CACNB2: variants seen among roughly 807,000 people sequenced by gnomAD.
The protein encoded by CACNB2 is calcium voltage-gated channel auxiliary subunit beta 2.
CACNB2 carries 42 observed loss-of-function variants against 73.3 expected under a neutral mutation model. That is an observed-to-expected ratio of 0.57 (90% CI 0.45 to 0.74). The LOEUF (loss-of-function observed/expected upper bound fraction) is 0.74, where lower values mean the gene tolerates loss of function less well. CACNB2 is among the 30% of genes least tolerant of loss of function. The pLI is 0.00. For missense variants in CACNB2, 940 were observed against 853.0 expected (o/e 1.10, Z -1.27); for synonymous variants, 348 against 310.3 (o/e 1.12, Z -1.28).
At chr10:18,491,341 TG>T (rs1245824332) in intron 3 of CACNB2, among the ~76,000 whole-genome samples, 1 of 152,184 alleles carries the variant, frequency 6.6e-6, no homozygotes, top group Admixed American at 6.5e-5. Flanking sequence ...CTCAGCCCTT[TG>T]GGAGGCCAAG....
intron 2 of CACNB2, among the ~76,000 whole-genome samples, chr10:18,271,722 T>G (rs1047233102): frequency 1.3e-5 from 2 of 152,220 alleles, no homozygotes; most frequent in African/African-American, 4.8e-5. Flanking sequence ...ACCTTTCTGC[T>G]GAATAGATCT....
intron 6 of CACNB2, among the ~76,000 whole-genome samples, chr10:18,511,195 C>T (rs970108149): frequency 2.6e-5 from 4 of 152,120 alleles, no homozygotes; most frequent in Non-Finnish European, 2.9e-5. Flanking sequence ...ATTAGGTCTA[C>T]GTAATTAGGA....
At chr10:18,287,028 C>G (rs527786960) in intron 2 of CACNB2, among the ~76,000 whole-genome samples, 4 of 152,212 alleles carry the variant, frequency 2.6e-5, no homozygotes, top group African/African-American at 4.8e-5. Flanking sequence ...TATAGGCATA[C>G]TTTAAAAATC....
chr10:18,147,997 C>G (rs2031159460), intron 1 of CACNB2, among the ~76,000 whole-genome samples: 1 of 151,878 alleles, frequency 6.6e-6, no homozygotes. Context: ...GGACTATTAG[C>G]TTTCCAAAGA....
At chr10:18,213,893 T>G (rs1311698199) in intron 2 of CACNB2, among the ~76,000 whole-genome samples, 1 of 152,196 alleles carries the variant, frequency 6.6e-6, no homozygotes, top group African/African-American at 2.4e-5. Flanking sequence ...CTACTAAGTT[T>G]TAGATGGTAT....
In CACNB2 at chr10:18,387,020, C is replaced by T. The variant is rs766674701; in HGVS notation, c.214-14904C>T. 3.9e-5 allele frequency among the ~76,000 whole-genome samples: 6 copies of T among 152,180 alleles called. No homozygotes were observed. The East Asian group carries it at 7.7e-4, about 20-fold the overall frequency. ...AATTAAACGCTCCAGCGTATAATCA[C>T]GGTGTATAATACTTCTGGTATAAAC... On this transcript the variant is annotated intron_variant, in intron 2 of 13. Coordinates refer to ENST00000324631, the MANE Select transcript of CACNB2 (RefSeq NM_201596.3).
At chr10:18,325,500 C>A (rs1220084140) in intron 2 of CACNB2, among the ~76,000 whole-genome samples, 1 of 151,684 alleles carries the variant, frequency 6.6e-6, no homozygotes, top group Non-Finnish European at 1.5e-5. Context: ...CCAGATGAAA[C>A]CTAGTCTGTC....
At chr10:18,468,575 G>A (rs1432094944) in intron 3 of CACNB2, among the ~76,000 whole-genome samples, 1 of 152,136 alleles carries the variant, frequency 6.6e-6, no homozygotes, top group African/African-American at 2.4e-5. Context: ...CAAAACTGCA[G>A]ACTGAGCGTC....
rs184419461 is a variant in CACNB2 at position 18,458,399 on chromosome 10, G to A, written c.334-39956G>A. On this transcript the variant is annotated intron_variant, in intron 3 of 13. Transcript: ENST00000324631. ...TTCCTACTTGCATTGATTCTAAAAG[G>A]TTGTATAAACTGTATGAGGATGGGA... is the stretch of plus-strand genomic sequence containing the variant. Among the ~76,000 whole-genome samples the A allele has an allele frequency of 8.3e-4, 126 of 152,250 alleles. 1 individual carries two copies. The highest frequency in any genetic ancestry group is 2.8e-3 in the African/African-American group (115 of 41,558).
rs980195511 is a variant in CACNB2 at position 18,542,770 on chromosome 10, C to T, written c.*3046C>T. On this transcript the variant is annotated 3_prime_UTR_variant, in exon 14 of 14. Coordinates refer to ENST00000324631, the MANE Select transcript of CACNB2 (RefSeq NM_201596.3). ...GGGCAATGGGATATTTACTGACCTGCGGAATGTAAAGTTACAGTCTTTTCA... is the reference window on the plus strand; with the variant it reads ...GGGCAATGGGATATTTACTGACCTGTGGAATGTAAAGTTACAGTCTTTTCA... The T allele has an allele frequency of 6.6e-5, 10 of 152,122 alleles. No homozygotes were observed. Among genetic ancestry groups the T allele is most frequent in the East Asian group, 5.8e-4 (3 of 5,182 alleles). The allele number at this position is 152,122 out of a possible 1,614,324, so 9.4% of individuals were successfully genotyped here.
Position 18,150,879 on chromosome 10 carries a change from T to TTATTTTG in CACNB2, c.121-2_121-1insTTTTGTA. ...TCTTTTTTTTTTTTTTTTTTTTTTT[T>TTATTTTG]TAGTCATATGGAAAAGGAGCCAGAA... On this transcript the variant is annotated splice_polypyrimidine_tract_variant and splice_region_variant and intron_variant, in intron 1 of 13. Transcript: ENST00000324631. 7.9e-7 allele frequency: 1 copy of TTATTTTG among 1,258,816 alleles called. No individual in the cohort carries two copies. The highest frequency in any genetic ancestry group is 1.1e-6 in the Non-Finnish European group (1 of 915,184). The allele number at this position is 1,258,816 out of a possible 1,614,324, so 78.0% of individuals were successfully genotyped here. A position where few individuals can be genotyped will look rare whatever the true frequency, so the allele number is the denominator to read the frequency against.
chr10:18,251,213 AT>A lies in CACNB2; in HGVS notation c.213+100242del. ...CAAATCCTATTTCTGCTGCATATGA[AT>A]TTTGTAGCCTTAAGCAAGTCTCTCG... On this transcript the variant is annotated intron_variant, in intron 2 of 13. Coordinates refer to ENST00000324631, the MANE Select transcript of CACNB2 (RefSeq NM_201596.3). Among the ~76,000 whole-genome samples the A allele has an allele frequency of 1.3e-5, 2 of 151,786 alleles. 1 individual carries two copies. The highest frequency in any genetic ancestry group is 6.8e-3 in the Middle Eastern group (2 of 294).
chr10:18,198,883 A>T (rs76490054), intron 2 of CACNB2, among the ~76,000 whole-genome samples: 1,544 of 152,306 alleles, frequency 0.01, 34 homozygotes, highest in African/African-American at 0.035. Context: ...CCAAATATAA[A>T]TGTAAATATT....
At chr10:18,438,183 A>ATTTTTTTTTT (rs372226267) in intron 3 of CACNB2, among the ~76,000 whole-genome samples, 13 of 93,956 alleles carry the variant, frequency 1.4e-4, no homozygotes, top group African/African-American at 2.1e-4. Flanking sequence ...ACACCTGGCG[A>ATTTTTTTTTT]TTTTTTTTTT....
intron 2 of CACNB2, among the ~76,000 whole-genome samples, chr10:18,317,792 A>G (rs1564431533): frequency 1.3e-5 from 2 of 152,146 alleles, no homozygotes; most frequent in Non-Finnish European, 1.5e-5. Context: ...TTTATTCCAT[A>G]CATATTTATT....
At chr10:18,222,144 A>T (rs1186244694) in intron 2 of CACNB2, among the ~76,000 whole-genome samples, 2 of 152,220 alleles carry the variant, frequency 1.3e-5, no homozygotes, top group Non-Finnish European at 2.9e-5. Flanking sequence ...CCACATTCAC[A>T]TCACAATCCG....
intron 2 of CACNB2, among the ~76,000 whole-genome samples, chr10:18,324,525 A>G (rs2040509373): frequency 6.6e-6 from 1 of 152,260 alleles, no homozygotes; most frequent in African/African-American, 2.4e-5. Flanking sequence ...AGTAACAGAA[A>G]TAATATGTTT....
At chr10:18,141,340 A>AGGGGAGCGAATATGGGGGTGCCCTGCC in intron 1 of CACNB2, 1 of 872,550 alleles carries the variant, frequency 1.1e-6, no homozygotes, top group South Asian at 1.5e-5. Flanking sequence ...GGTGGGCAGG[A>AGGGGAGCGAATATGGGGGTGCCCTGCC]GGGGAGCGAA....
At chr10:18,401,860 G>T (rs2044013171) in intron 2 of CACNB2, 64 bp from the exon 3 acceptor site, 1 of 1,568,758 alleles carries the variant, frequency 6.4e-7, no homozygotes, top group African/African-American at 1.4e-5. Context: ...CTGTGTCGAT[G>T]AGACTTTTCC....
Sources: gnomAD v4.1 joint callset for allele counts (sites outside exome capture counted in the v4.1 genomes callset) on GRCh38, gnomAD v4.1.1 for gene constraint, MANE v1.5 for transcripts, NCBI Gene and HGNC (gene_info 2026-07-23, HGNC 2026-07-21) for gene names.